The following CSMD1 variants were observed in gnomAD, a reference collection of about 807,000 sequenced individuals.
CSMD1 encodes CUB and sushi domain-containing protein 1.
In CSMD1, 213 loss-of-function variants were observed where a neutral mutation model predicts 417.5. The ratio of observed to expected loss-of-function variants is 0.51; its 90% CI spans 0.46 to 0.57. The LOEUF (loss-of-function observed/expected upper bound fraction) is 0.57, where lower values mean the gene tolerates loss of function less well. CSMD1 is among the 20% of genes least tolerant of loss of function. The pLI is 0.00. For missense variants in CSMD1, 6,923 were observed against 4,529.7 expected (o/e 1.53, Z -15.17); for synonymous variants, 2,862 against 1,736.8 (o/e 1.65, Z -16.11).
At chr8:4,056,593 G>C (rs930710193) in intron 3 of CSMD1, among the ~76,000 whole-genome samples, 6 of 151,716 alleles carry the variant, frequency 4.0e-5, no homozygotes, top group African/African-American at 1.2e-4. Flanking sequence ...GTGCAGGTAA[G>C]TTACCTATGT....
At position 3,502,908 on chromosome 8, in the gene CSMD1, G is replaced by A. The variant is rs574302348; in HGVS notation, c.1345-9182C>T. 3.3e-5 allele frequency among the ~76,000 whole-genome samples: 5 copies of A among 152,238 alleles called. No individual in the cohort carries two copies. The East Asian group carries it at 5.8e-4, about 18-fold the overall frequency. On this transcript the variant is annotated intron_variant, in intron 10 of 69. Transcript: ENST00000635120. ...TTCATCATGCATGAACAGCATGAATGCATGTTCATCAAATGTAACAAACAC... is the reference window on the plus strand; with the variant it reads ...TTCATCATGCATGAACAGCATGAATACATGTTCATCAAATGTAACAAACAC...
At chr8:3,853,919 ATAATATAT>A (rs1193046540) in intron 5 of CSMD1, among the ~76,000 whole-genome samples, 2 of 146,954 alleles carry the variant, frequency 1.4e-5, no homozygotes, top group Admixed American at 1.4e-4. Context: ...ACATTAAAGT[ATAATATAT>A]TAATATATTA....
rs151107029 is a variant in CSMD1, at chr8:4,255,251, C to T, written c.415+164702G>A. Among the ~76,000 whole-genome samples, 166 of 152,196 alleles carry T rather than the reference C, an allele frequency of 1.1e-3. 2 individuals carry two copies. Among genetic ancestry groups the T allele is most frequent in the African/African-American group, 4.0e-3 (165 of 41,516 alleles). ...CCTATGGATTTGACTAAAATTTTATCCAGTGAATATTTTCTTTATCATACT... is the reference window on the plus strand; with the variant it reads ...CCTATGGATTTGACTAAAATTTTATTCAGTGAATATTTTCTTTATCATACT... On this transcript the variant is annotated intron_variant, in intron 3 of 69. Coordinates refer to ENST00000635120, the MANE Select transcript of CSMD1 (RefSeq NM_033225.6).
chr8:3,583,982 TG>T (rs960432670), intron 9 of CSMD1, among the ~76,000 whole-genome samples: 4 of 152,046 alleles, frequency 2.6e-5, no homozygotes, highest in African/African-American at 7.2e-5. Context: ...GCATGGCCTT[TG>T]TCTAACTGAG....
chr8:4,130,096 G>A (rs1441756133), intron 3 of CSMD1, among the ~76,000 whole-genome samples: 2 of 152,082 alleles, frequency 1.3e-5, no homozygotes, highest in Admixed American at 6.6e-5. Context: ...AGGAGGGCTA[G>A]GGCTGCTCCA....
At chr8:3,107,583 T>G (rs1816232611) in intron 45 of CSMD1, 135 bp downstream of exon 45, 5 of 529,142 alleles carry the variant, frequency 9.4e-6, no homozygotes. Context: ...ACTTTAAGGA[T>G]AGTTTGTTCT....
chr8:3,596,590 A>T (rs144763837), intron 8 of CSMD1, among the ~76,000 whole-genome samples: 1 of 152,248 alleles, frequency 6.6e-6, no homozygotes, highest in African/African-American at 2.4e-5. Flanking sequence ...CTGTTCGGCA[A>T]ATATTTCCTC....
At chr8:3,406,500 G>T (rs926584507) in intron 14 of CSMD1, among the ~76,000 whole-genome samples, 5 of 152,144 alleles carry the variant, frequency 3.3e-5, no homozygotes, top group Non-Finnish European at 4.4e-5. Flanking sequence ...GACAAAGAGA[G>T]AACTGATATG....
chr8:3,691,640 T>G (rs1302745846), intron 7 of CSMD1, among the ~76,000 whole-genome samples: 1 of 152,212 alleles, frequency 6.6e-6, no homozygotes. Flanking sequence ...ACAGTGTTCC[T>G]AAGTACCCTT....
Position 4,425,296 on chromosome 8 carries a change from T to C in CSMD1, c.303-5231A>G, listed in dbSNP as rs1027604269. 4.6e-5 allele frequency among the ~76,000 whole-genome samples: 7 copies of C among 151,038 alleles called. No individual in the cohort carries two copies. In the East Asian group the frequency reaches 1.2e-3, roughly 25 times the overall value. On this transcript the variant is annotated intron_variant, in intron 2 of 69. Coordinates refer to ENST00000635120, the MANE Select transcript of CSMD1 (RefSeq NM_033225.6). The stretch of plus-strand genomic sequence containing the variant: ...TGTTCAGAGGTTTGGGGTAATTTAA[T>C]ATGGACGTATGTAGGGAAAATATAT...
At chr8:4,505,148 C>T (rs988528218) in intron 2 of CSMD1, among the ~76,000 whole-genome samples, 2 of 152,176 alleles carry the variant, frequency 1.3e-5, no homozygotes, top group Non-Finnish European at 2.9e-5. Context: ...CCAAACCCCA[C>T]AATGATAAAA....
intron 46 of CSMD1, among the ~76,000 whole-genome samples, chr8:3,101,804 T>TG (rs1337304737): frequency 6.9e-6 from 1 of 144,754 alleles, no homozygotes; most frequent in Non-Finnish European, 1.5e-5. Context: ...TTTTTCTTTT[T>TG]TTTTTTTTTT....
Position 4,617,748 on chromosome 8 carries a change from T to C in CSMD1, c.302+19594A>G, listed in dbSNP as rs139623882. Among the ~76,000 whole-genome samples the C allele has an allele frequency of 2.0e-3, 305 of 152,206 alleles. 6 individuals carry two copies. In the East Asian group the frequency reaches 0.052, roughly 26 times the overall value. On this transcript the variant is annotated intron_variant, in intron 2 of 69. Transcript: ENST00000635120. ...TACCCCAACACCTTGTTTAATTTCC[T>C]ATTTGGCATTCCTCATTATTAGAAA...
chr8:3,161,768 G>A (rs966785251), intron 38 of CSMD1, among the ~76,000 whole-genome samples: 21 of 151,882 alleles, frequency 1.4e-4, no homozygotes, highest in African/African-American at 4.4e-4. Flanking sequence ...CATTAATGAT[G>A]ACTTATACTG....
At chr8:3,936,768 G>A (rs1292014416) in intron 5 of CSMD1, among the ~76,000 whole-genome samples, 1 of 152,090 alleles carries the variant, frequency 6.6e-6, no homozygotes, top group Non-Finnish European at 1.5e-5. Flanking sequence ...CAAGAAACAC[G>A]AAAAACTTTT....
chr8:4,027,994 C>G (rs574259699), intron 4 of CSMD1, among the ~76,000 whole-genome samples: 1 of 151,868 alleles, frequency 6.6e-6, no homozygotes, highest in Non-Finnish European at 1.5e-5. Flanking sequence ...TAAGTGAGAT[C>G]AATTAATTGA....
At chr8:4,673,030 C>T (rs373433212) in intron 1 of CSMD1, among the ~76,000 whole-genome samples, 18 of 151,382 alleles carry the variant, frequency 1.2e-4, no homozygotes, top group African/African-American at 2.2e-4. Context: ...CACACGCACA[C>T]GGTGACACAA....
chr8:3,744,593 TGTG>T (rs1456812190), intron 6 of CSMD1, among the ~76,000 whole-genome samples: 64 of 152,316 alleles, frequency 4.2e-4, no homozygotes, highest in African/African-American at 1.4e-3. Context: ...TGTGGATGAC[TGTG>T]GTGGACAGCT....
intron 26 of CSMD1, among the ~76,000 whole-genome samples, chr8:3,253,882 T>G (rs1271421817): frequency 6.6e-6 from 1 of 152,176 alleles, no homozygotes; most frequent in East Asian, 1.9e-4. Context: ...ACATTTAAGG[T>G]TTATATTGTT....
Sources: allele counts gnomAD v4.1 joint callset (sites outside exome capture counted in the v4.1 genomes callset), GRCh38; gene constraint gnomAD v4.1.1; transcripts MANE v1.5; gene names NCBI Gene and HGNC (gene_info 2026-07-23, HGNC 2026-07-21).